The following LZTFL1 variants were observed in gnomAD, a reference collection of about 807,000 sequenced individuals.
LZTFL1 encodes the protein leucine zipper transcription factor-like protein 1.
In LZTFL1, 25 loss-of-function variants were observed where a neutral mutation model predicts 45.9. That is an observed-to-expected ratio of 0.54 (90% CI 0.40 to 0.76). The LOEUF (loss-of-function observed/expected upper bound fraction) is 0.76. Ranked by LOEUF, LZTFL1 falls within the 30% of genes least tolerant of loss-of-function variation. The pLI is 0.00. For missense variants in LZTFL1, 277 were observed against 331.1 expected, an observed-to-expected ratio of 0.84 and a Z score of 1.27; for synonymous variants, 93 against 117.4, an observed-to-expected ratio of 0.79 and a Z score of 1.35.
At chr3:45,876,528 C>G (rs1701751537) in intron 2 of LZTFL1, among the ~76,000 whole-genome samples, 1 of 152,062 alleles carries the variant, frequency 6.6e-6, no homozygotes, top group Non-Finnish European at 1.5e-5. Context: ...TGGATAGACC[C>G]CAGAGGTAAT....
intron 2 of LZTFL1, among the ~76,000 whole-genome samples, chr3:45,859,295 A>G (rs909519014): frequency 1.3e-5 from 2 of 152,224 alleles, no homozygotes; most frequent in Non-Finnish European, 2.9e-5. Context: ...GTGAGATAAT[A>G]GCTCCCTGCA....
intron 2 of LZTFL1, among the ~76,000 whole-genome samples, chr3:45,861,945 G>A (rs1160115172): frequency 6.6e-6 from 1 of 152,158 alleles, no homozygotes; most frequent in African/African-American, 2.4e-5. Context: ...AAGGTACCGA[G>A]TTTTTGTCAA....
intron 2 of LZTFL1, among the ~76,000 whole-genome samples, chr3:45,909,017 T>C (rs1317435504): frequency 6.6e-6 from 1 of 152,116 alleles, no homozygotes; most frequent in Non-Finnish European, 1.5e-5. Context: ...ATTAGATTCT[T>C]ACAGGAGCAC....
intron 2 of LZTFL1, among the ~76,000 whole-genome samples, chr3:45,912,369 T>C (rs747582326): frequency 6.6e-6 from 1 of 152,242 alleles, no homozygotes; most frequent in Non-Finnish European, 1.5e-5. Flanking sequence ...GTGCCCTTTA[T>C]AAAGTGACTT....
intron 2 of LZTFL1, among the ~76,000 whole-genome samples, chr3:45,909,481 C>T (rs570619431): frequency 1.3e-5 from 2 of 152,306 alleles, no homozygotes; most frequent in Non-Finnish European, 2.9e-5. Context: ...TGCTCCCTTC[C>T]TTCTTTTTCC....
In LZTFL1 at chr3:45,826,092, T is replaced by C; in HGVS notation, c.*222A>G. The C allele has an allele frequency of 1.9e-6, 1 of 513,990 alleles. No individual in the cohort carries two copies. The highest frequency in any genetic ancestry group is 3.2e-5 in the South Asian group (1 of 31,242). The allele number at this position is 513,990 out of a possible 1,614,324, so 31.8% of individuals were successfully genotyped here. ...TCTCAGTGCATGTGAGCTAAGACTC[T>C]GGAGCACTCAGTAGAGAGGTGTGTG... On this transcript the variant is annotated 3_prime_UTR_variant, in exon 10 of 10. Transcript: ENST00000296135.
chr3:45,827,369 T>C lies in LZTFL1; in HGVS notation c.868A>G (p.Lys290Glu). 6.2e-7 allele frequency: 1 copy of C among 1,611,436 alleles called. No homozygotes were observed. Among genetic ancestry groups the C allele is most frequent in the Non-Finnish European group, 8.5e-7 (1 of 1,177,624 alleles). Residue 290 changes from lysine to glutamate, a missense_variant, in exon 9 of 10, where the codon AAA (lysine) becomes GAA (glutamate). Coordinates refer to ENST00000296135, the MANE Select transcript of LZTFL1 (RefSeq NM_020347.4). ...KKNDQIKDLRKRLAQYEPED is the reference protein window; with the variant it reads ...KKNDQIKDLRERLAQYEPED ...AGTGTGGCTTACTGTGCCAGTCTTT[T>C]CCTCAGATCTTTGATTTGGTCATTC...
intron 5 of LZTFL1, among the ~76,000 whole-genome samples, chr3:45,832,408 T>C (rs1037176491): frequency 5.9e-5 from 9 of 152,186 alleles, no homozygotes; most frequent in Non-Finnish European, 1.2e-4. Context: ...GCTGACATGA[T>C]GCTCAAAGAA....
At chr3:45,878,277 G>C (rs1701787774) in intron 2 of LZTFL1, among the ~76,000 whole-genome samples, 2 of 152,062 alleles carry the variant, frequency 1.3e-5, no homozygotes, top group Admixed American at 1.3e-4. Flanking sequence ...CTTTCCTCTG[G>C]GTCTCCCTTG....
At chr3:45,860,887 T>C (rs1701477158) in intron 2 of LZTFL1, among the ~76,000 whole-genome samples, 2 of 152,218 alleles carry the variant, frequency 1.3e-5, no homozygotes, top group Non-Finnish European at 2.9e-5. Flanking sequence ...TTTTTCCTGC[T>C]GCTAGGAGAG....
upstream of LZTFL1, among the ~76,000 whole-genome samples, chr3:45,846,945 A>G (rs563398980): frequency 1.3e-5 from 2 of 152,204 alleles, no homozygotes. Flanking sequence ...TGCCTGCATA[A>G]TAGAAGGGTC....
rs1403655680 is a variant in LZTFL1, at chr3:45,854,904, T to C, written c.-49+82A>G. The C allele has an allele frequency of 6.1e-6, 6 of 979,652 alleles. No homozygotes were observed. In the East Asian group the frequency reaches 1.3e-4, roughly 22 times the overall value. The allele number at this position is 979,652 out of a possible 1,614,324, so 60.7% of individuals were successfully genotyped here. A position where few individuals can be genotyped will look rare whatever the true frequency, so the allele number is the denominator to read the frequency against. ...AGCTACTCTCCTTGTCCCATTCATC[T>C]AATCTGGAATAACAATAAAAAAACA... On this transcript the variant is annotated intron_variant, in intron 4 of 4. Transcript: ENST00000472635.
chr3:45,909,551 ACAT>A (rs1481078723), intron 2 of LZTFL1, among the ~76,000 whole-genome samples: 12 of 152,234 alleles, frequency 7.9e-5, no homozygotes, highest in African/African-American at 2.9e-4. Flanking sequence ...AAAATCCAAG[ACAT>A]CATGCAATTC....
chr3:45,868,152 C>A (rs13092887), intron 2 of LZTFL1, among the ~76,000 whole-genome samples: 8,726 of 146,880 alleles, frequency 0.059, 374 homozygotes, highest in Middle Eastern at 0.12. Flanking sequence ...TGCACATGTA[C>A]CCTAGAACTT....
chr3:45,843,595 T>G (rs979428124), upstream of LZTFL1, among the ~76,000 whole-genome samples: 3 of 152,238 alleles, frequency 2.0e-5, no homozygotes, highest in African/African-American at 7.2e-5. Context: ...AATGCAAATA[T>G]TACATTTGTG....
intron 4 of LZTFL1, 59 bp downstream of exon 4, chr3:45,834,179 A>G: frequency 1.1e-6 from 1 of 937,290 alleles, no homozygotes; most frequent in East Asian, 2.5e-5. Flanking sequence ...TCTTTGAGCA[A>G]CTTGAGGATT....
chr3:45,856,039 A>G (rs1701387486), intron 3 of LZTFL1, among the ~76,000 whole-genome samples: 1 of 152,220 alleles, frequency 6.6e-6, no homozygotes, highest in Non-Finnish European at 1.5e-5. Flanking sequence ...TCACAGAATT[A>G]GAAAAAAAAT....
Position 45,882,737 on chromosome 3 carries a change from A to C in LZTFL1, c.-214-23721T>G, listed in dbSNP as rs984827402. On this transcript the variant is annotated intron_variant, in intron 2 of 4. Coordinates refer to the LZTFL1 transcript ENST00000472635. ...GGATTGCTGTTTCTAGTCCACAGTT[A>C]TTCCTGAAATGCTCTTCAGTTGCCA... 3.3e-5 allele frequency among the ~76,000 whole-genome samples: 5 copies of C among 151,954 alleles called. No individual in the cohort carries two copies. The East Asian group carries it at 9.7e-4, about 29-fold the overall frequency.
At chr3:45,827,210 C>T in intron 9 of LZTFL1, 146 bp downstream of exon 9, 1 of 673,956 alleles carries the variant, frequency 1.5e-6, no homozygotes, top group East Asian at 2.7e-5. Context: ...GGCCAGAGCT[C>T]CTCCACTTTC....
Sources: allele counts gnomAD v4.1 joint callset (sites outside exome capture counted in the v4.1 genomes callset), GRCh38; gene constraint gnomAD v4.1.1; transcripts MANE v1.5; gene names NCBI Gene and HGNC (gene_info 2026-07-23, HGNC 2026-07-21).